The following YY1 variants were observed in gnomAD, a reference collection of about 807,000 sequenced individuals.
YY1 encodes YY1 transcription factor.
In YY1, 2 loss-of-function variants were observed where a neutral mutation model predicts 35.6. That is an observed-to-expected ratio of 0.06 (90% CI 0.02 to 0.18). The LOEUF is 0.18. YY1 is among the 10% of genes least tolerant of loss of function. YY1 has a pLI of 1.00. For synonymous variants in YY1, 268 were observed against 238.9 expected (o/e 1.12, Z -1.12); for missense variants, 322 against 573.4 (o/e 0.56, Z 4.48).
rs1890699087 is a variant in YY1, at chr14:100,239,808, C to A, written c.564C>A (p.Gly188=). Residue 188 remains glycine, a synonymous_variant, in exon 1 of 5, where the codon GGC becomes GGA. Transcript: ENST00000262238. Reference sequence around the variant, plus strand: ...GCGGCAAGAAGAGTTACCTCAGCGGCGGGGCCGGCGCGGCGGGCGGCGGCG... The same window carrying A: ...GCGGCAAGAAGAGTTACCTCAGCGGAGGGGCCGGCGCGGCGGGCGGCGGCG... ...KKSGKKSYLS[G]GAGAAGGGGA... 2 of 1,500,894 alleles carry A rather than the reference C, an allele frequency of 1.3e-6. No individual in the cohort carries two copies. The highest frequency in any genetic ancestry group is 2.5e-5 in the South Asian group (2 of 79,136). The allele number at this position is 1,500,894 out of a possible 1,614,324, so 93.0% of individuals were successfully genotyped here. A position where few individuals can be genotyped will look rare whatever the true frequency, so the allele number is the denominator to read the frequency against.
In YY1 at chr14:100,276,749, CA is replaced by C. The variant is rs890171112; in HGVS notation, c.1062+102del. On this transcript the variant is annotated intron_variant, in intron 4 of 4. Transcript: ENST00000262238. The surrounding 1 kb of genome is among the most constrained non-coding windows in gnomAD (Gnocchi z 4.1). ...GGCAGGAGGCGCCAGCCCAGAGACT[CA>C]GGGTCTTATTACTCCTTGGTGAGAA... 5.7e-6 allele frequency: 9 copies of C among 1,569,594 alleles called. No homozygotes were observed. The African/African-American group carries it at 1.2e-4, about 21-fold the overall frequency.
intron 1 of YY1, among the ~76,000 whole-genome samples, chr14:100,245,485 C>T (rs559943851): frequency 7.9e-5 from 12 of 152,204 alleles, no homozygotes; most frequent in African/African-American, 2.6e-4. Context: ...CCAGTGTTTA[C>T]TTTGGCCTTT....
rs150102990 is a variant in YY1, at chr14:100,243,073, T to C, written c.679+3150T>C. 2.8e-3 allele frequency among the ~76,000 whole-genome samples: 430 copies of C among 152,368 alleles called. 2 individuals are homozygous for C. The highest frequency in any genetic ancestry group is 5.4e-3 in the Non-Finnish European group (364 of 68,034). On this transcript the variant is annotated intron_variant, in intron 1 of 4. Coordinates refer to ENST00000262238, the MANE Select transcript of YY1 (RefSeq NM_003403.5). ...TATCCCCCTTACTTTTCCTTGTGAT[T>C]TGGAATTATTACTAAAGAGAAGCTA... is the stretch of plus-strand genomic sequence containing the variant.
chr14:100,253,274 A>G (rs572283859), intron 1 of YY1, among the ~76,000 whole-genome samples: 1 of 152,354 alleles, frequency 6.6e-6, no homozygotes, highest in South Asian at 2.1e-4. Context: ...GCTAGTCAAT[A>G]GAAATCAGTA....
chr14:100,267,065 A>G (rs946368323), intron 2 of YY1, among the ~76,000 whole-genome samples: 6 of 152,324 alleles, frequency 3.9e-5, no homozygotes, highest in African/African-American at 1.4e-4. Flanking sequence ...AGTCAGTTTC[A>G]TTCAGTAGTG....
rs542829927 is a variant in YY1 at position 100,254,781 on chromosome 14, T to A, written c.680-7523T>A. 3.0e-3 allele frequency among the ~76,000 whole-genome samples: 448 copies of A among 148,872 alleles called. 5 individuals are homozygous for A. Among genetic ancestry groups the A allele is most frequent in the African/African-American group, 0.01 (412 of 40,344 alleles). ...CTATTTTATTTATTTATTTATTTTT[T>A]TTTTTTTTTGAGTCGAAGTCTCACA... On this transcript the variant is annotated intron_variant, in intron 1 of 4. Coordinates refer to ENST00000262238, the MANE Select transcript of YY1 (RefSeq NM_003403.5).
intron 2 of YY1, among the ~76,000 whole-genome samples, chr14:100,265,937 G>A (rs888146046): frequency 3.3e-5 from 5 of 152,132 alleles, no homozygotes; most frequent in Non-Finnish European, 7.4e-5. Context: ...GTGAGCCACC[G>A]TGCCTGGCCT....
At position 100,277,968 on chromosome 14, in the gene YY1, A is replaced by C; in HGVS notation, c.*368A>C. On this transcript the variant is annotated 3_prime_UTR_variant, in exon 5 of 5. Coordinates refer to ENST00000262238, the MANE Select transcript of YY1 (RefSeq NM_003403.5). This position sits in a 1 kb window ranked among gnomAD's most constrained non-coding sequence, Gnocchi z 5.6. ...AATATGAAGCTCACCTGTTGCTTAC[A>C]ATTTTTTTAATTTTGTATTTTCCAA... The C allele has an allele frequency of 4.4e-6, 1 of 226,042 alleles. No individual in the cohort carries two copies. The highest frequency in any genetic ancestry group is 8.9e-6 in the Non-Finnish European group (1 of 112,828). 14.0% of individuals were successfully genotyped at this position (226,042 alleles called of 1,614,324 possible). A position where few individuals can be genotyped will look rare whatever the true frequency, so the allele number is the denominator to read the frequency against.
intron 1 of YY1, among the ~76,000 whole-genome samples, chr14:100,245,708 G>C (rs910087442): frequency 2.0e-5 from 3 of 151,764 alleles, no homozygotes; most frequent in Non-Finnish European, 4.4e-5. Flanking sequence ...CCGGGTTCAC[G>C]ACATTCTCCT....
Position 100,244,196 on chromosome 14 carries a change from C to A in YY1, c.679+4273C>A, listed in dbSNP as rs76297765. 8.6e-5 allele frequency among the ~76,000 whole-genome samples: 13 copies of A among 151,958 alleles called. No individual in the cohort carries two copies. The East Asian group carries it at 2.5e-3, about 29-fold the overall frequency. On this transcript the variant is annotated intron_variant, in intron 1 of 4. Coordinates refer to ENST00000262238, the MANE Select transcript of YY1 (RefSeq NM_003403.5). ...CGCACATGCCATGTTCCTTTAATTTCCCACAGTAAGAGCACTCTGGTGGGC... is the reference window on the plus strand; with the variant it reads ...CGCACATGCCATGTTCCTTTAATTTACCACAGTAAGAGCACTCTGGTGGGC...
Position 100,251,071 on chromosome 14 carries a change from G to C in YY1, c.679+11148G>C, listed in dbSNP as rs183705595. On this transcript the variant is annotated intron_variant, in intron 1 of 4. Coordinates refer to ENST00000262238, the MANE Select transcript of YY1 (RefSeq NM_003403.5). ...AACATATTGACTAACTGGTTGACTG[G>C]TTGACTGAATAATGACTCCCAATAT... is the stretch of plus-strand genomic sequence containing the variant. 4.6e-5 allele frequency among the ~76,000 whole-genome samples: 7 copies of C among 152,268 alleles called. No individual in the cohort carries two copies. The East Asian group carries it at 1.4e-3, about 29-fold the overall frequency.
At position 100,239,632 on chromosome 14, in the gene YY1, C is replaced by G. The variant is rs2139560401; in HGVS notation, c.388C>G (p.Gln130Glu). ...GLRAEDGFED[Q>E]ILIPVPAPAG... is the part of the protein sequence containing the mutation. ...GCGCGCCGAGGACGGCTTCGAGGAT[C>G]AGATTCTCATCCCGGTGCCCGCGCC... Residue 130 changes from glutamine to glutamate, a missense_variant, in exon 1 of 5, where the codon CAG (glutamine) becomes GAG (glutamate). Transcript: ENST00000262238. 6.2e-7 allele frequency: 1 copy of G among 1,611,510 alleles called. No individual in the cohort carries two copies. Among genetic ancestry groups the G allele is most frequent in the South Asian group, 1.1e-5 (1 of 91,046 alleles).
intron 1 of YY1, among the ~76,000 whole-genome samples, chr14:100,254,771 ATTTATT>A (rs1566773617): frequency 1.8e-5 from 2 of 108,714 alleles, no homozygotes; most frequent in African/African-American, 7.2e-5. Flanking sequence ...TTATTTATTT[ATTTATT>A]TTTTTTTTTT....
chr14:100,242,336 A>G (rs1470081707), intron 1 of YY1, among the ~76,000 whole-genome samples: 2 of 148,970 alleles, frequency 1.3e-5, no homozygotes, highest in Non-Finnish European at 3.0e-5. Flanking sequence ...CAATTAAGTG[A>G]GCATTTACAA....
intron 1 of YY1, among the ~76,000 whole-genome samples, chr14:100,249,727 A>G (rs1330565363): frequency 6.7e-6 from 1 of 149,294 alleles, no homozygotes; most frequent in Non-Finnish European, 1.5e-5. Flanking sequence ...CTCAATTCAA[A>G]TCTCAGATTT....
intron 1 of YY1, among the ~76,000 whole-genome samples, chr14:100,241,346 C>A (rs993865661): frequency 6.6e-6 from 1 of 151,998 alleles, no homozygotes; most frequent in Non-Finnish European, 1.5e-5. Context: ...CGTTAAAATT[C>A]GGAGGAATGA....
intron 2 of YY1, among the ~76,000 whole-genome samples, chr14:100,268,800 AG>A (rs1018769387): frequency 4.6e-5 from 7 of 152,334 alleles, no homozygotes; most frequent in Admixed American, 2.6e-4. Flanking sequence ...CACAGATCAG[AG>A]GATGGTTCTG....
At chr14:100,249,768 T>TTGTTTC (rs1890896911) in intron 1 of YY1, among the ~76,000 whole-genome samples, 1 of 149,768 alleles carries the variant, frequency 6.7e-6, no homozygotes, top group Non-Finnish European at 1.5e-5. Flanking sequence ...TTGTTTGTTT[T>TTGTTTC]TGTTTTTGTT....
chr14:100,247,383 CTTTTTTTT>C (rs78485580), intron 1 of YY1, among the ~76,000 whole-genome samples: 3 of 135,342 alleles, frequency 2.2e-5, no homozygotes, highest in Non-Finnish European at 4.8e-5. Context: ...TTCTTTTTTT[CTTTTTTTT>C]TTTTTTTCGA....
Sources: allele counts gnomAD v4.1 joint callset (sites outside exome capture counted in the v4.1 genomes callset), GRCh38; gene constraint gnomAD v4.1.1; non-coding constraint Gnocchi (gnomAD v3.1); transcripts MANE v1.5; gene names NCBI Gene and HGNC (gene_info 2026-07-23, HGNC 2026-07-21).